KNDC1: variants seen among roughly 807,000 people sequenced by gnomAD.
KNDC1 encodes the protein kinase non-catalytic C-lobe domain containing 1.
A neutral mutation model predicts 172.8 loss-of-function variants in KNDC1; 106 were observed. The observed-to-expected ratio is 0.61, with a 90% CI of 0.52 to 0.72. KNDC1 has a LOEUF of 0.72. Ranked by LOEUF, KNDC1 falls within the 30% of genes least tolerant of loss-of-function variation. The pLI, the probability that KNDC1 is intolerant of heterozygous loss-of-function variation, is 0.00. For missense variants in KNDC1, 2,325 were observed against 2,394.5 expected (o/e 0.97, Z 0.61); for synonymous variants, 1,083 against 1,062.2 (o/e 1.02, Z -0.38).
chr10:133,173,096 T>G (rs1374814168), intron 3 of KNDC1, among the ~76,000 whole-genome samples: 1 of 152,246 alleles, frequency 6.6e-6, no homozygotes, highest in Admixed American at 6.5e-5. Context: ...GGCCTTCAGC[T>G]GCAGGTGCTC....
At chr10:133,202,553 G>C (rs1854403517) in intron 17 of KNDC1, 2 of 453,342 alleles carry the variant, frequency 4.4e-6, no homozygotes, top group African/African-American at 4.0e-5. Flanking sequence ...GACAGGAGGG[G>C]CCCAGTGGCC....
chr10:133,213,736 C>T lies in KNDC1; in HGVS notation c.4526+9C>T. Reference sequence around the variant, plus strand: ...AGCACTGCCATCCCCAAGTGAGCGTCCGGGACCCTCAGCTGGGAGCGGTGG... The same window carrying T: ...AGCACTGCCATCCCCAAGTGAGCGTTCGGGACCCTCAGCTGGGAGCGGTGG... On this transcript the variant is annotated intron_variant, in intron 25 of 29. Transcript: ENST00000304613. The T allele has an allele frequency of 3.1e-6, 5 of 1,613,572 alleles. No individual in the cohort carries two copies. Among genetic ancestry groups the T allele is most frequent in the Non-Finnish European group, 4.2e-6 (5 of 1,179,596 alleles).
At chr10:133,206,078 T>C (rs1250137729) in intron 17 of KNDC1, among the ~76,000 whole-genome samples, 1 of 151,940 alleles carries the variant, frequency 6.6e-6, no homozygotes, top group East Asian at 1.9e-4. Context: ...TGCATGCCTG[T>C]AATCCCAGCT....
At position 133,209,154 on chromosome 10, in the gene KNDC1, T is replaced by C. The variant is rs1845293351; in HGVS notation, c.3795-1457T>C. On this transcript the variant is annotated intron_variant, in intron 20 of 29. Coordinates refer to ENST00000304613, the MANE Select transcript of KNDC1 (RefSeq NM_152643.8). The surrounding 1 kb of genome is among the most constrained non-coding windows in gnomAD (Gnocchi z 4.9). The stretch of plus-strand genomic sequence containing the variant: ...GCGTGTGTGGTGTGTGGTTGGGTAT[T>C]GCGTGGCAGGTGTGCATGTGTGTAT... Among the ~76,000 whole-genome samples, 1 of 150,246 alleles carries C rather than the reference T, an allele frequency of 6.7e-6. No homozygotes were observed. Among genetic ancestry groups the C allele is most frequent in the African/African-American group, 2.5e-5 (1 of 40,710 alleles).
intron 3 of KNDC1, among the ~76,000 whole-genome samples, chr10:133,168,524 G>A (rs1056081529): frequency 2.0e-5 from 3 of 151,710 alleles, no homozygotes; most frequent in South Asian, 2.1e-4. Flanking sequence ...TGGGCAGCTC[G>A]GACTGTGGGT....
At chr10:133,175,065 G>A (rs1462410115) in intron 3 of KNDC1, among the ~76,000 whole-genome samples, 1 of 150,470 alleles carries the variant, frequency 6.6e-6, no homozygotes, top group Non-Finnish European at 1.5e-5. Flanking sequence ...ATGGGTAAAT[G>A]GATGGGTGGG....
intron 3 of KNDC1, among the ~76,000 whole-genome samples, chr10:133,170,132 A>C (rs1267193645): frequency 6.6e-6 from 1 of 152,200 alleles, no homozygotes; most frequent in Non-Finnish European, 1.5e-5. Flanking sequence ...CGCTACATTT[A>C]AATCCCCGCT....
At chr10:133,207,375 C>A (rs1845230717) in intron 20 of KNDC1, 24 bp downstream of exon 20, 2 of 1,605,378 alleles carry the variant, frequency 1.2e-6, no homozygotes, top group Non-Finnish European at 1.7e-6. Context: ...AAAGCTCACC[C>A]GGAAAAGGAG....
rs752402522 is a variant in KNDC1 at position 133,160,488 on chromosome 10, C to T, written c.21C>T (p.Ala7=). The change falls in exon 1 of 30, where the codon GCC becomes GCT. Residue 7 remains alanine (A), a synonymous_variant. Coordinates refer to ENST00000304613, the MANE Select transcript of KNDC1 (RefSeq NM_152643.8). ...GCAGGATGCAGGCCATGGACCCGGC[C>T]GCGGCGGATCTTTACGAGGAGGACG... MQAMDP[A]AADLYEEDGK... is the part of the protein sequence containing the mutation. 6.3e-7 allele frequency: 1 copy of T among 1,585,512 alleles called. No individual in the cohort carries two copies. Among genetic ancestry groups the T allele is most frequent in the African/African-American group, 1.4e-5 (1 of 73,572 alleles).
At chr10:133,178,359 T>C (rs1853617546) in intron 3 of KNDC1, among the ~76,000 whole-genome samples, 1 of 152,174 alleles carries the variant, frequency 6.6e-6, no homozygotes, top group Non-Finnish European at 1.5e-5. Context: ...TTAATGTTCA[T>C]GACAAAACAT....
intron 20 of KNDC1, among the ~76,000 whole-genome samples, chr10:133,207,560 C>G (rs1329158288): frequency 6.6e-6 from 1 of 152,272 alleles, no homozygotes; most frequent in African/African-American, 2.4e-5. Context: ...GCCTGTGGGC[C>G]TGGGCACCAG....
chr10:133,198,465 C>G lies in KNDC1; in HGVS notation c.2035C>G (p.Pro679Ala). ...CACCTCCGAGGCCACGCACTTCAAG[C>G]CCATTGTCCTCGCGCAGAACGCAAG... is the stretch of plus-strand genomic sequence containing the variant. The part of the protein sequence containing the change: ...AFTSEATHFK[P>A]IVLAQNASVA... The change falls in exon 13 of 30, where the codon CCC (proline) becomes GCC (alanine). Residue 679 changes from proline to alanine, a missense_variant. By Grantham distance (27) the Pro-to-Ala change is conservative (BLOSUM62 -1). Transcript: ENST00000304613. The G allele has an allele frequency of 6.2e-7, 1 of 1,607,096 alleles. No individual in the cohort carries two copies. The highest frequency in any genetic ancestry group is 8.5e-7 in the Non-Finnish European group (1 of 1,177,132).
At position 133,209,043 on chromosome 10, in the gene KNDC1, T is replaced by G. The variant is rs1845289359; in HGVS notation, c.3795-1568T>G. ...GGTGTAGTAGGTACGTGTGCGGTTG[T>G]GAGGTATAGTGTGATGTGTGTGCAT... On this transcript the variant is annotated intron_variant, in intron 20 of 29. Coordinates refer to ENST00000304613, the MANE Select transcript of KNDC1 (RefSeq NM_152643.8). This position sits in a 1 kb window ranked among gnomAD's most constrained non-coding sequence, Gnocchi z 4.9. Among the ~76,000 whole-genome samples, 1 of 148,972 alleles carries G rather than the reference T, an allele frequency of 6.7e-6. No individual in the cohort carries two copies.
chr10:133,204,723 G>A (rs748894746), intron 17 of KNDC1, among the ~76,000 whole-genome samples: 61 of 152,212 alleles, frequency 4.0e-4, no homozygotes, highest in Admixed American at 1.1e-3. Flanking sequence ...AGTCACTGGC[G>A]GCTGACAAGG....
intron 3 of KNDC1, among the ~76,000 whole-genome samples, chr10:133,169,072 A>G (rs1024476063): frequency 6.6e-6 from 1 of 152,248 alleles, no homozygotes; most frequent in Non-Finnish European, 1.5e-5. Flanking sequence ...CAGAGAAAGT[A>G]AAGCAATCCT....
At chr10:133,216,885 G>A (rs1263531726) in intron 26 of KNDC1, among the ~76,000 whole-genome samples, 5 of 152,250 alleles carry the variant, frequency 3.3e-5, no homozygotes, top group Non-Finnish European at 7.3e-5. Context: ...GCGGCAGCAC[G>A]ATGAACCTCG....
chr10:133,198,893 G>A lies in KNDC1; in HGVS notation c.2385G>A (p.Glu795=). 1 of 1,590,428 alleles carries A rather than the reference G, an allele frequency of 6.3e-7. No homozygotes were observed. Among genetic ancestry groups the A allele is most frequent in the Non-Finnish European group, 8.5e-7 (1 of 1,172,910 alleles). The part of the protein sequence containing the change: ...PPTKASALPV[E]QGPAEPIPPG... ...CGAAGGCATCTGCGCTGCCCGTAGA[G>A]CAAGGGCCGGCTGAGCCGATCCCAC... Residue 795 remains glutamate (E), a synonymous_variant, in exon 14 of 30, where the codon GAG becomes GAA. Coordinates refer to ENST00000304613, the MANE Select transcript of KNDC1 (RefSeq NM_152643.8).
rs1853059992 is a variant in KNDC1, at chr10:133,163,885, C to A, written c.102+3316C>A. Among the ~76,000 whole-genome samples the A allele has an allele frequency of 6.7e-6, 1 of 148,300 alleles. No individual in the cohort carries two copies. Among genetic ancestry groups the A allele is most frequent in the African/African-American group, 2.5e-5 (1 of 40,074 alleles). On this transcript the variant is annotated intron_variant, in intron 1 of 29. Transcript: ENST00000304613. The surrounding 1 kb of genome is among the most constrained non-coding windows in gnomAD (Gnocchi z 4.4). ...GGGGGTTCATGTCCACCTGCCTTCCCAAATCCCTCCTCCCACCTGGGATGG... is the reference window on the plus strand; with the variant it reads ...GGGGGTTCATGTCCACCTGCCTTCCAAAATCCCTCCTCCCACCTGGGATGG...
chr10:133,189,321 C>T (rs905534239), intron 7 of KNDC1, among the ~76,000 whole-genome samples: 1 of 152,190 alleles, frequency 6.6e-6, no homozygotes. Flanking sequence ...TTACCGTGTT[C>T]TCCCTGCCGC....
Sources: gnomAD v4.1 joint callset for allele counts (sites outside exome capture counted in the v4.1 genomes callset) on GRCh38, gnomAD v4.1.1 for gene constraint, Gnocchi (gnomAD v3.1) non-coding constraint, MANE v1.5 for transcripts, NCBI Gene and HGNC (gene_info 2026-07-23, HGNC 2026-07-21) for gene names.